COPG2: variants seen among roughly 807,000 people sequenced by gnomAD.
The protein encoded by COPG2 is coatomer subunit gamma-2.
COPG2 carries 37 observed loss-of-function variants against 46.3 expected under a neutral mutation model. That is an observed-to-expected ratio of 0.80 (90% CI 0.61 to 1.05). COPG2 has a LOEUF of 1.05. Among genes scored for constraint, COPG2 ranks in the 50% least tolerant of loss-of-function variants. The probability of loss-of-function intolerance (pLI) is 0.00; values close to 1 mark genes in which losing one functional copy is unlikely to be tolerated. For missense variants in COPG2, 427 were observed against 387.8 expected (o/e 1.10, Z -0.85); for synonymous variants, 159 against 129.7 (o/e 1.23, Z -1.53).
intron 9 of COPG2, among the ~76,000 whole-genome samples, chr7:130,604,165 T>A (rs1054327134): frequency 1.3e-5 from 2 of 152,174 alleles, no homozygotes; most frequent in African/African-American, 2.4e-5. Context: ...AGTGGACCCA[T>A]GCAGTTCAAA....
intron 5 of COPG2, among the ~76,000 whole-genome samples, chr7:130,618,254 C>T (rs111506851): frequency 6.6e-6 from 1 of 152,164 alleles, no homozygotes; most frequent in Non-Finnish European, 1.5e-5. Context: ...CTAGATTCTA[C>T]TGCCAGCAAT....
intron 20 of COPG2, among the ~76,000 whole-genome samples, chr7:130,530,846 G>T (rs1010896881): frequency 8.6e-5 from 13 of 151,922 alleles, no homozygotes; most frequent in Admixed American, 4.6e-4. Context: ...AGCCACAGGT[G>T]GAGTGAGGTG....
At chr7:130,531,151 G>A (rs1304922670) in intron 20 of COPG2, among the ~76,000 whole-genome samples, 1 of 135,476 alleles carries the variant, frequency 7.4e-6, no homozygotes, top group Non-Finnish European at 1.6e-5. Context: ...TGGGAATGGT[G>A]GGAGTGGGGC....
chr7:130,561,415 G>A (rs1481332641), intron 11 of COPG2, among the ~76,000 whole-genome samples, 194 bp from the exon 12 acceptor site: 4 of 152,070 alleles, frequency 2.6e-5, no homozygotes, highest in East Asian at 1.9e-4. Flanking sequence ...GTATAGCATC[G>A]TACTCTCTTT....
At chr7:130,509,380 G>A (rs1386997646) in intron 20 of COPG2, 3 of 456,890 alleles carry the variant, frequency 6.6e-6, no homozygotes, top group African/African-American at 6.0e-5. Flanking sequence ...GTTTGAAGGA[G>A]GGGATTTAGC....
intron 9 of COPG2, among the ~76,000 whole-genome samples, chr7:130,606,237 A>G (rs1223705317): frequency 7.0e-6 from 1 of 143,638 alleles, no homozygotes; most frequent in Non-Finnish European, 1.6e-5. Context: ...AATAAAAAAA[A>G]GAAAGAGAGA....
At chr7:130,517,933 G>C (rs1405799213) in intron 20 of COPG2, among the ~76,000 whole-genome samples, 5 of 151,922 alleles carry the variant, frequency 3.3e-5, no homozygotes, top group African/African-American at 1.2e-4. Context: ...TGTTGTTGAA[G>C]ATTGCAATGA....
At chr7:130,540,522 G>A (rs1010587137) in intron 20 of COPG2, among the ~76,000 whole-genome samples, 3 of 152,068 alleles carry the variant, frequency 2.0e-5, no homozygotes, top group South Asian at 2.1e-4. Context: ...AGACGTATCG[G>A]GTGGGGAGGC....
At chr7:130,507,529 C>T (rs1372616828) in intron 22 of COPG2, 156 bp downstream of exon 22, 2 of 663,896 alleles carry the variant, frequency 3.0e-6, no homozygotes, top group East Asian at 2.6e-5. Context: ...TAGAAAATGG[C>T]TGATCAATTA....
intron 9 of COPG2, among the ~76,000 whole-genome samples, chr7:130,597,907 C>T (rs1554449885): frequency 1.3e-5 from 2 of 152,146 alleles, no homozygotes; most frequent in African/African-American, 4.8e-5. Context: ...ATGCCTATTA[C>T]TCACATGTTT....
chr7:130,556,378 A>G (rs1793622763), intron 12 of COPG2, among the ~76,000 whole-genome samples: 1 of 152,154 alleles, frequency 6.6e-6, no homozygotes, highest in African/African-American at 2.4e-5. Context: ...CAGTTATGGT[A>G]GCAGGAAACA....
At chr7:130,563,759 A>G (rs1793756314) in intron 10 of COPG2, among the ~76,000 whole-genome samples, 2 of 122,356 alleles carry the variant, frequency 1.6e-5, no homozygotes, top group African/African-American at 7.5e-5. Context: ...CCGTCTCAAA[A>G]AAAAAAAAAA....
chr7:130,561,655 T>C (rs888409367), intron 11 of COPG2, among the ~76,000 whole-genome samples: 14 of 152,198 alleles, frequency 9.2e-5, no homozygotes, highest in Admixed American at 2.6e-4. Context: ...GCATTATCTA[T>C]GGTTACTACA....
rs2116382345 is a variant in COPG2 at position 130,548,466 on chromosome 7, T to C, written c.1914A>G (p.Glu638=). ...ATCGAACAAAATATTCTGTCTCTGCTTCTGTAAGTTGAACAGGCTCAGAAG... is the reference window on the plus strand; with the variant it reads ...ATCGAACAAAATATTCTGTCTCTGCCTCTGTAAGTTGAACAGGCTCAGAAG... The part of the protein sequence containing the change: ...FKSSEPVQLT[E]AETEYFVRCI... Residue 638 remains glutamate (E), a synonymous_variant, in exon 19 of 24, where the codon GAA becomes GAG. Transcript: ENST00000425248. 2 of 398,642 alleles carry C rather than the reference T, an allele frequency of 5.0e-6. No homozygotes were observed. The highest frequency in any genetic ancestry group is 8.8e-6 in the Non-Finnish European group (2 of 226,072). The allele number at this position is 398,642 out of a possible 1,614,324, so 24.7% of individuals were successfully genotyped here.
chr7:130,544,392 C>T (rs2116375814), intron 20 of COPG2, among the ~76,000 whole-genome samples: 1 of 152,242 alleles, frequency 6.6e-6, no homozygotes, highest in East Asian at 1.9e-4. Context: ...CATTATATGG[C>T]AGGCAATATT....
At chr7:130,588,617 A>T (rs1196352315) in intron 9 of COPG2, among the ~76,000 whole-genome samples, 1 of 152,156 alleles carries the variant, frequency 6.6e-6, no homozygotes, top group East Asian at 1.9e-4. Flanking sequence ...GGACACAGGA[A>T]GGGGATCATC....
chr7:130,583,810 A>G (rs1794208575), intron 9 of COPG2, among the ~76,000 whole-genome samples: 1 of 142,442 alleles, frequency 7.0e-6, no homozygotes, highest in Non-Finnish European at 1.5e-5. Flanking sequence ...CATCTCAAAA[A>G]AAAAAAAAAA....
intron 9 of COPG2, among the ~76,000 whole-genome samples, chr7:130,603,471 G>C (rs1366728428): frequency 6.6e-6 from 1 of 152,086 alleles, no homozygotes; most frequent in Non-Finnish European, 1.5e-5. Context: ...TGTAATCCCA[G>C]CACTTTGGGA....
intron 4 of COPG2, among the ~76,000 whole-genome samples, chr7:130,661,635 A>C (rs1364484211): frequency 6.6e-6 from 1 of 152,260 alleles, no homozygotes; most frequent in Non-Finnish European, 1.5e-5. Flanking sequence ...AGTCCACAGC[A>C]TGCAGTGGCA....
Sources: allele counts gnomAD v4.1 joint callset (sites outside exome capture counted in the v4.1 genomes callset), GRCh38; gene constraint gnomAD v4.1.1; transcripts MANE v1.5; gene names NCBI Gene and HGNC (gene_info 2026-07-23, HGNC 2026-07-21).